HSPA4: variants seen among roughly 807,000 people sequenced by gnomAD.
The protein encoded by HSPA4 is heat shock 70 kDa protein 4.
In HSPA4, 25 loss-of-function variants were observed where a neutral mutation model predicts 106.2. The ratio of observed to expected loss-of-function variants is 0.24; its 90% CI spans 0.17 to 0.33. The LOEUF (loss-of-function observed/expected upper bound fraction) is 0.33. Among genes scored for constraint, HSPA4 ranks in the 10% least tolerant of loss-of-function variants. HSPA4 has a pLI of 1.00. For missense variants in HSPA4, 841 were observed against 996.0 expected (o/e 0.84, Z 2.10); for synonymous variants, 332 against 333.6 (o/e 1.00, Z 0.05).
intron 4 of HSPA4, among the ~76,000 whole-genome samples, chr5:133,072,809 C>T (rs966031756): frequency 6.6e-6 from 1 of 152,130 alleles, no homozygotes; most frequent in Non-Finnish European, 1.5e-5. Context: ...GCACAAGCTG[C>T]ATGTTTATAT....
At chr5:133,061,446 ACTT>A (rs1297765280) in intron 1 of HSPA4, among the ~76,000 whole-genome samples, 1 of 151,290 alleles carries the variant, frequency 6.6e-6, no homozygotes, top group Non-Finnish European at 1.5e-5. Flanking sequence ...GCTGTTCATG[ACTT>A]CTTCCAACCC....
intron 1 of HSPA4, among the ~76,000 whole-genome samples, chr5:133,054,038 G>T (rs1765126896): frequency 6.7e-6 from 1 of 148,666 alleles, no homozygotes; most frequent in Non-Finnish European, 1.5e-5. Context: ...AGCGAAACTA[G>T]ATTGTTCAGA....
In HSPA4 at chr5:133,104,462, A is replaced by G; in HGVS notation, c.*26A>G. 1 of 1,590,682 alleles carries G rather than the reference A, an allele frequency of 6.3e-7. No individual in the cohort carries two copies. The highest frequency in any genetic ancestry group is 8.6e-7 in the Non-Finnish European group (1 of 1,159,502). On this transcript the variant is annotated 3_prime_UTR_variant, in exon 19 of 19. Transcript: ENST00000304858. ...TTCCAACACTTGTTTCTATTAAAAC[A>G]GACTATTATAAAGCTTTAAGTTGTC...
At position 133,086,787 on chromosome 5, in the gene HSPA4, A is replaced by G. The variant is rs1161297581; in HGVS notation, c.914A>G (p.Lys305Arg). Reference sequence around the variant, plus strand: ...TTTTGTTTTGTTTTTTATAGAGGCAAATTTCTGGAGATGTGCAATGATCTC... The same window carrying G: ...TTTTGTTTTGTTTTTTATAGAGGCAGATTTCTGGAGATGTGCAATGATCTC... ...VDVSGTMNRGKFLEMCNDLLA... is the reference protein window; with the variant it reads ...VDVSGTMNRGRFLEMCNDLLA... The change falls in exon 8 of 19, where the codon AAA (lysine) becomes AGA (arginine). Residue 305 changes from lysine (K) to arginine (R), a missense_variant. Around this residue, in one of 5 missense-constraint regions of HSPA4, gnomAD observed 347 missense variants for 408.7 expected, o/e 0.85. Coordinates refer to ENST00000304858, the MANE Select transcript of HSPA4 (RefSeq NM_002154.4). The G allele has an allele frequency of 4.3e-6, 7 of 1,612,686 alleles. No individual in the cohort carries two copies. Among genetic ancestry groups the G allele is most frequent in the Admixed American group, 1.7e-5 (1 of 59,966 alleles).
At chr5:133,071,066 C>T (rs1765375096) in intron 4 of HSPA4, among the ~76,000 whole-genome samples, 1 of 151,918 alleles carries the variant, frequency 6.6e-6, no homozygotes, top group African/African-American at 2.4e-5. Flanking sequence ...TTTTTCATCG[C>T]CTAGCATAGC....
At chr5:133,064,839 A>G in intron 1 of HSPA4, 141 bp from the exon 2 acceptor site, 1 of 733,996 alleles carries the variant, frequency 1.4e-6, no homozygotes. Flanking sequence ...GGACAGATTT[A>G]CTCAATAGAA....
intron 1 of HSPA4, among the ~76,000 whole-genome samples, chr5:133,053,926 C>A (rs1429258740): frequency 6.6e-6 from 1 of 151,724 alleles, no homozygotes; most frequent in Non-Finnish European, 1.5e-5. Flanking sequence ...TCCCAAAGTG[C>A]TAGGATTACA....
intron 13 of HSPA4, 30 bp downstream of exon 13, chr5:133,092,819 T>TCC: frequency 9.9e-7 from 1 of 1,011,768 alleles, no homozygotes; most frequent in Non-Finnish European, 1.4e-6. Context: ...TTTTTTTTTT[T>TCC]TTTTTTTTTT....
chr5:133,104,445 C>T lies in HSPA4; in HGVS notation c.*9C>T, dbSNP rs1765830102. On this transcript the variant is annotated 3_prime_UTR_variant, in exon 19 of 19. Coordinates refer to ENST00000304858, the MANE Select transcript of HSPA4 (RefSeq NM_002154.4). ...AAATGGACATTGATTGATTCCAACACTTGTTTCTATTAAAACAGACTATTA... is the reference window on the plus strand; with the variant it reads ...AAATGGACATTGATTGATTCCAACATTTGTTTCTATTAAAACAGACTATTA... 1 of 1,610,504 alleles carries T rather than the reference C, an allele frequency of 6.2e-7. No homozygotes were observed.
intron 11 of HSPA4, chr5:133,090,969 T>G (rs2126711915): frequency 6.7e-6 from 4 of 599,068 alleles, no homozygotes; most frequent in African/African-American, 1.9e-5. Context: ...CGGGAGATAT[T>G]TGAGTTCTTA....
At chr5:133,094,077 G>A (rs1765682228) in intron 13 of HSPA4, among the ~76,000 whole-genome samples, 1 of 152,110 alleles carries the variant, frequency 6.6e-6, no homozygotes, top group African/African-American at 2.4e-5. Flanking sequence ...GGGCGACAGA[G>A]CAAGACTCCA....
intron 12 of HSPA4, 132 bp from the exon 13 acceptor site, chr5:133,092,568 C>T: frequency 1.5e-6 from 1 of 675,906 alleles, no homozygotes; most frequent in Non-Finnish European, 2.7e-6. Flanking sequence ...TGTGGCCTAC[C>T]TGGAATTTTA....
At chr5:133,086,912 G>T in intron 8 of HSPA4, 54 bp downstream of exon 8, 1 of 1,298,632 alleles carries the variant, frequency 7.7e-7, no homozygotes. Flanking sequence ...TTTGGAAATT[G>T]TTATTTATTA....
chr5:133,073,349 A>AT lies in HSPA4; in HGVS notation c.529+27dup, dbSNP rs750714733. ...CTGCAGGTAAGGAGGACCGTTGATTATTTTTTTGACTTGGTTAATCTTGAA... is the reference window on the plus strand; with the variant it reads ...CTGCAGGTAAGGAGGACCGTTGATTATTTTTTTTGACTTGGTTAATCTTGAA... On this transcript the variant is annotated intron_variant, in intron 5 of 18. Transcript: ENST00000304858. 6 of 1,478,310 alleles carry AT rather than the reference A, an allele frequency of 4.1e-6. No individual in the cohort carries two copies. The highest frequency in any genetic ancestry group is 2.4e-5 in the South Asian group (2 of 84,192). 91.6% of individuals were successfully genotyped at this position (1,478,310 alleles called of 1,614,324 possible).
intron 16 of HSPA4, 188 bp from the exon 17 acceptor site, chr5:133,101,571 G>T (rs1765785315): frequency 3.9e-6 from 2 of 515,404 alleles, no homozygotes; most frequent in Admixed American, 4.0e-5. Context: ...ATTCCAGATG[G>T]ATCAGTGTTG....
chr5:133,073,202 C>A, intron 4 of HSPA4, 28 bp from the exon 5 acceptor site: 1 of 1,372,586 alleles, frequency 7.3e-7, no homozygotes, highest in Non-Finnish European at 1.0e-6. Flanking sequence ...ATCTATAATA[C>A]AGTAAGCATT....
At chr5:133,054,317 G>T (rs1387781023) in intron 1 of HSPA4, among the ~76,000 whole-genome samples, 2 of 151,766 alleles carry the variant, frequency 1.3e-5, no homozygotes, top group Non-Finnish European at 2.9e-5. Context: ...ATTCTCCTGC[G>T]TCAGCCTCCC....
chr5:133,067,639 T>C (rs1765325210), intron 3 of HSPA4, 82 bp downstream of exon 3: 16 of 1,202,118 alleles, frequency 1.3e-5, no homozygotes, highest in Non-Finnish European at 1.9e-5. Flanking sequence ...ACTTTTCTGA[T>C]GTCAGATTGC....
At chr5:133,094,763 TGATA>T (rs1765689827) in intron 13 of HSPA4, among the ~76,000 whole-genome samples, 2 of 152,086 alleles carry the variant, frequency 1.3e-5, no homozygotes, top group Non-Finnish European at 1.5e-5. Context: ...GAAATAGAAA[TGATA>T]GATAAATTTC....
Sources: gnomAD v4.1 joint callset for allele counts (sites outside exome capture counted in the v4.1 genomes callset) on GRCh38, gnomAD v4.1.1 for gene constraint, gnomAD v4.1.1 regional missense constraint, MANE v1.5 for transcripts, NCBI Gene and HGNC (gene_info 2026-07-23, HGNC 2026-07-21) for gene names.